COL23A1: variants seen among roughly 807,000 people sequenced by gnomAD.
The protein encoded by COL23A1 is collagen alpha-1(XXIII) chain.
In COL23A1, 97 loss-of-function variants were observed where a neutral mutation model predicts 99.3. The ratio of observed to expected loss-of-function variants is 0.98; its 90% CI spans 0.83 to 1.16. The LOEUF (loss-of-function observed/expected upper bound fraction) is 1.16, where lower values mean the gene tolerates loss of function less well. Ranked by LOEUF, COL23A1 falls within the 50% of genes most tolerant of loss-of-function variation. COL23A1 has a pLI of 0.00. For synonymous variants in COL23A1, 320 were observed against 308.2 expected, an observed-to-expected ratio of 1.04 and a Z score of -0.40; for missense variants, 762 against 757.4, an observed-to-expected ratio of 1.01 and a Z score of -0.07.
At chr5:178,363,889 T>C (rs994482539) in intron 2 of COL23A1, among the ~76,000 whole-genome samples, 2 of 152,256 alleles carry the variant, frequency 1.3e-5, no homozygotes, top group Non-Finnish European at 2.9e-5. Flanking sequence ...CATCTGGGTG[T>C]GGACACGTAG....
chr5:178,492,710 C>T (rs1191310469), intron 2 of COL23A1, among the ~76,000 whole-genome samples: 1 of 151,764 alleles, frequency 6.6e-6, no homozygotes, highest in African/African-American at 2.4e-5. Flanking sequence ...ATGTCCAGAA[C>T]AGGCCAGTGT....
chr5:178,239,228 C>T (rs1426196005), intron 27 of COL23A1, 49 bp from the exon 28 acceptor site: 1 of 1,601,756 alleles, frequency 6.2e-7, no homozygotes, highest in South Asian at 1.1e-5. Context: ...TGGGGAGCTC[C>T]TCTACACCCC....
intron 8 of COL23A1, 79 bp from the exon 9 acceptor site, chr5:178,263,403 C>T (rs921822267): frequency 9.2e-6 from 8 of 872,630 alleles, no homozygotes; most frequent in South Asian, 1.7e-5. Context: ...AGATGGGCAG[C>T]CCCACGCCAT....
intron 2 of COL23A1, among the ~76,000 whole-genome samples, chr5:178,419,698 C>T (rs771860642): frequency 2.0e-5 from 3 of 152,204 alleles, no homozygotes; most frequent in Non-Finnish European, 4.4e-5. Flanking sequence ...ACTTCTATAT[C>T]TGAGTCCTTG....
chr5:178,268,007 A>G (rs1298594307), intron 7 of COL23A1, among the ~76,000 whole-genome samples: 1 of 152,232 alleles, frequency 6.6e-6, no homozygotes, highest in Non-Finnish European at 1.5e-5. Context: ...GAGCTTCTGA[A>G]CACCAGCTCC....
intron 1 of COL23A1, among the ~76,000 whole-genome samples, chr5:178,577,963 T>C (rs1763465852): frequency 6.6e-6 from 1 of 150,974 alleles, no homozygotes; most frequent in African/African-American, 2.4e-5. Context: ...AAGGTCAGGC[T>C]GGTCCCATCT....
intron 13 of COL23A1, 63 bp downstream of exon 13, chr5:178,257,460 C>T: frequency 6.5e-7 from 1 of 1,533,950 alleles, no homozygotes; most frequent in Middle Eastern, 1.7e-4. Context: ...GGGACTTCAC[C>T]AGGTAGATGG....
At chr5:178,523,191 T>TAC (rs1256423087) in intron 2 of COL23A1, among the ~76,000 whole-genome samples, 4 of 80,842 alleles carry the variant, frequency 4.9e-5, no homozygotes, top group African/African-American at 7.9e-5. Context: ...CATATATATA[T>TAC]ATATATATAT....
intron 14 of COL23A1, 98 bp downstream of exon 14, chr5:178,256,768 A>G (rs1765321626): frequency 8.0e-7 from 1 of 1,247,078 alleles, no homozygotes; most frequent in Non-Finnish European, 1.1e-6. Flanking sequence ...CTGGGACTTA[A>G]AAGGGCAAAT....
chr5:178,328,183 T>C, intron 2 of COL23A1, among the ~76,000 whole-genome samples: 1 of 152,174 alleles, frequency 6.6e-6, no homozygotes, highest in East Asian at 1.9e-4. Context: ...ACGGCGAATG[T>C]CTGGGGCCAT....
rs530896494 is a variant in COL23A1 at position 178,258,544 on chromosome 5, C to T, written c.730-977G>A. Among the ~76,000 whole-genome samples the T allele has an allele frequency of 1.1e-4, 16 of 150,686 alleles. No individual in the cohort carries two copies. The East Asian group carries it at 2.6e-3, about 24-fold the overall frequency. On this transcript the variant is annotated intron_variant, in intron 12 of 28. Coordinates refer to ENST00000390654, the MANE Select transcript of COL23A1 (RefSeq NM_173465.4). ...CCAAGTAGCTGGGACTACAGGCGCC[C>T]GCCACCACGCCCGGCTAATTTTTTG...
intron 2 of COL23A1, among the ~76,000 whole-genome samples, chr5:178,505,087 G>A: frequency 6.6e-6 from 1 of 152,172 alleles, no homozygotes; most frequent in East Asian, 1.9e-4. Flanking sequence ...AGGCATCAGA[G>A]GGGTTAATTC....
At chr5:178,358,497 GCGTGTATA>G (rs1761952430) in intron 2 of COL23A1, among the ~76,000 whole-genome samples, 3 of 115,186 alleles carry the variant, frequency 2.6e-5, no homozygotes, top group South Asian at 3.2e-4. Context: ...GTGTGTGTAT[GCGTGTATA>G]TGTGTGTATG....
At chr5:178,572,935 A>C (rs1032447307) in intron 1 of COL23A1, among the ~76,000 whole-genome samples, 1 of 152,256 alleles carries the variant, frequency 6.6e-6, no homozygotes, top group Non-Finnish European at 1.5e-5. Flanking sequence ...AACTACACTG[A>C]GTGAAAGAAA....
intron 2 of COL23A1, among the ~76,000 whole-genome samples, chr5:178,369,737 AT>A (rs1284428548): frequency 3.1e-5 from 4 of 127,876 alleles, no homozygotes; most frequent in Non-Finnish European, 6.3e-5. Flanking sequence ...TTCTGCCATG[AT>A]TGTAAGGCCC....
At chr5:178,239,101 C>A in intron 28 of COL23A1, 40 bp downstream of exon 28, 1 of 1,611,202 alleles carries the variant, frequency 6.2e-7, no homozygotes, top group Non-Finnish European at 8.5e-7. Flanking sequence ...CCCTCCCCTG[C>A]CTCTCCCAAG....
intron 2 of COL23A1, among the ~76,000 whole-genome samples, chr5:178,493,445 C>T (rs1343354315): frequency 1.3e-5 from 2 of 152,240 alleles, no homozygotes; most frequent in African/African-American, 4.8e-5. Flanking sequence ...CCCTATGGTG[C>T]CTTGCAGGCC....
chr5:178,575,585 C>T (rs147540666), intron 1 of COL23A1, among the ~76,000 whole-genome samples: 1 of 152,272 alleles, frequency 6.6e-6, no homozygotes, highest in Admixed American at 6.5e-5. Flanking sequence ...CCATGGCTCA[C>T]CTAGACCACC....
At position 178,280,161 on chromosome 5, in the gene COL23A1, G is replaced by A. The variant is rs796897133; in HGVS notation, c.441+8163C>T. ...CACTAGAGGGCGCGCTTGACCTGCC[G>A]AAGGCTGCCTCCAGCCCTGGCGGAC... On this transcript the variant is annotated intron_variant, in intron 5 of 28. Transcript: ENST00000390654. This position sits in a 1 kb window ranked among gnomAD's most constrained non-coding sequence, Gnocchi z 4.9. Among the ~76,000 whole-genome samples, 33 of 152,346 alleles carry A rather than the reference G, an allele frequency of 2.2e-4. No individual in the cohort carries two copies. Among genetic ancestry groups the A allele is most frequent in the African/African-American group, 7.2e-4 (30 of 41,588 alleles).
Sources: gnomAD v4.1 joint callset for allele counts (sites outside exome capture counted in the v4.1 genomes callset) on GRCh38, gnomAD v4.1.1 for gene constraint, Gnocchi (gnomAD v3.1) non-coding constraint, MANE v1.5 for transcripts, NCBI Gene and HGNC (gene_info 2026-07-23, HGNC 2026-07-21) for gene names.